Variants in GLIS3 observed in about 807,000 individuals in gnomAD.
The protein encoded by GLIS3 is GLIS family zinc finger 3.
GLIS3 carries 53 observed loss-of-function variants against 78.6 expected under a neutral mutation model. That is an observed-to-expected ratio of 0.67 (90% CI 0.54 to 0.85). The LOEUF is 0.85. Ranked by LOEUF, GLIS3 falls within the 40% of genes least tolerant of loss-of-function variation. The probability of loss-of-function intolerance (pLI) is 0.00; values close to 1 mark genes in which losing one functional copy is unlikely to be tolerated. For synonymous variants in GLIS3, 684 were observed against 509.9 expected (o/e 1.34, Z -4.60); for missense variants, 1,703 against 1,231.1 (o/e 1.38, Z -5.74).
chr9:4,450,885 C>A, the GLIS3 span, among the ~76,000 whole-genome samples: 5 of 152,204 alleles, frequency 3.3e-5, no homozygotes, highest in Non-Finnish European at 7.3e-5. Flanking sequence ...GTACCAGACA[C>A]TGCAAAAACG....
At chr9:4,286,585 T>C in intron 1 of GLIS3, 62 bp from the exon 2 acceptor site, 1 of 810,958 alleles carries the variant, frequency 1.2e-6, no homozygotes, top group South Asian at 1.5e-5. Flanking sequence ...ATACAGTGAG[T>C]TTTTCAACCT....
chr9:4,098,525 A>C (rs1002902654), intron 4 of GLIS3, among the ~76,000 whole-genome samples: 1 of 152,174 alleles, frequency 6.6e-6, no homozygotes, highest in African/African-American at 2.4e-5. Context: ...CCAGTAAACA[A>C]ATTACCCTGA....
intron 4 of GLIS3, among the ~76,000 whole-genome samples, chr9:4,015,153 T>C (rs1451556574): frequency 6.6e-6 from 1 of 152,190 alleles, no homozygotes; most frequent in Non-Finnish European, 1.5e-5. Flanking sequence ...GAAAGTGACA[T>C]TTGAAAGGAA....
At chr9:4,001,785 C>A (rs957838479) in intron 4 of GLIS3, among the ~76,000 whole-genome samples, 1 of 152,160 alleles carries the variant, frequency 6.6e-6, no homozygotes, top group Non-Finnish European at 1.5e-5. Context: ...AAATACAGGA[C>A]AGCAAGTAAT....
At chr9:4,241,215 C>T (rs1159375257) in intron 2 of GLIS3, among the ~76,000 whole-genome samples, 1 of 152,120 alleles carries the variant, frequency 6.6e-6, no homozygotes, top group Non-Finnish European at 1.5e-5. Flanking sequence ...GAAAGGAAAG[C>T]AAAGGAAAAT....
chr9:4,345,291 A>T (rs1401134837), intron 2 of GLIS3, among the ~76,000 whole-genome samples: 1 of 152,188 alleles, frequency 6.6e-6, no homozygotes, highest in African/African-American at 2.4e-5. Context: ...TTTTTGCTCA[A>T]ATGCCACCTT....
chr9:4,241,961 G>T (rs974409148), intron 2 of GLIS3, among the ~76,000 whole-genome samples: 1 of 152,170 alleles, frequency 6.6e-6, no homozygotes, highest in African/African-American at 2.4e-5. Context: ...TGAGATTACA[G>T]GCATCGGCCA....
chr9:4,248,647 T>C (rs1226095285), intron 2 of GLIS3, among the ~76,000 whole-genome samples: 1 of 152,216 alleles, frequency 6.6e-6, no homozygotes, highest in Non-Finnish European at 1.5e-5. Context: ...TGGTTCTAGA[T>C]CCTTGAGGAA....
rs113297591 is a variant in GLIS3 at position 4,184,594 on chromosome 9, A to G, written c.389-58653T>C. Among the ~76,000 whole-genome samples the G allele has an allele frequency of 7.0e-4, 106 of 152,310 alleles. 1 individual carries two copies. Among genetic ancestry groups the G allele is most frequent in the Non-Finnish European group, 1.3e-3 (87 of 68,016 alleles). On this transcript the variant is annotated intron_variant, in intron 2 of 10. Transcript: ENST00000381971. The stretch of plus-strand genomic sequence containing the variant: ...AAGCATGATCAATGTGTTTGCTTAA[A>G]AGAGAGAGAGGAGAAAAGAGCACCC...
the GLIS3 span, among the ~76,000 whole-genome samples, chr9:4,413,281 T>C: frequency 2.0e-5 from 3 of 152,212 alleles, no homozygotes; most frequent in African/African-American, 7.2e-5. Context: ...GGCCATACCC[T>C]TGCATAGTGC....
At position 4,196,671 on chromosome 9, in the gene GLIS3, C is replaced by T. The variant is rs1818882258; in HGVS notation, c.389-70730G>A. 3.3e-5 allele frequency among the ~76,000 whole-genome samples: 5 copies of T among 152,244 alleles called. No homozygotes were observed. In the South Asian group the frequency reaches 6.2e-4, roughly 19 times the overall value. ...CAAACCAACCAAAAGGAAGAAACTC[C>T]GAACATGTCTGAACATCAGAAGGAG... is the stretch of plus-strand genomic sequence containing the variant. On this transcript the variant is annotated intron_variant, in intron 2 of 10. Transcript: ENST00000381971.
intron 6 of GLIS3, among the ~76,000 whole-genome samples, chr9:3,926,305 A>G (rs1207338459): frequency 1.4e-5 from 2 of 142,674 alleles, no homozygotes; most frequent in African/African-American, 5.3e-5. Context: ...ATCTCTGCTC[A>G]CTGCAAGCTC....
chr9:4,055,700 A>G (rs1003775657), intron 4 of GLIS3, among the ~76,000 whole-genome samples: 1 of 152,180 alleles, frequency 6.6e-6, no homozygotes, highest in African/African-American at 2.4e-5. Context: ...TTCTGTGATC[A>G]GGTCCAAAAT....
chr9:4,363,891 T>C, the GLIS3 span, among the ~76,000 whole-genome samples: 11 of 152,252 alleles, frequency 7.2e-5, no homozygotes, highest in African/African-American at 2.7e-4. Context: ...GAACAATTCA[T>C]GCTAGGCTCC....
intron 2 of GLIS3, among the ~76,000 whole-genome samples, chr9:4,322,580 C>G (rs912270338): frequency 2.6e-5 from 4 of 152,086 alleles, no homozygotes; most frequent in Non-Finnish European, 2.9e-5. Flanking sequence ...CTGTTGTTGC[C>G]TGACTTTTTA....
chr9:4,389,473 G>C, the GLIS3 span, among the ~76,000 whole-genome samples: 1 of 152,172 alleles, frequency 6.6e-6, no homozygotes, highest in Non-Finnish European at 1.5e-5. Context: ...ACTTCCAAAG[G>C]CTGCTGGAAC....
At chr9:4,153,079 G>A (rs1045710054) in intron 2 of GLIS3, among the ~76,000 whole-genome samples, 1 of 152,132 alleles carries the variant, frequency 6.6e-6, no homozygotes, top group African/African-American at 2.4e-5. Context: ...GATGCCAGTA[G>A]CACCCCTCGT....
chr9:3,846,225 C>G (rs1195598737), intron 9 of GLIS3, among the ~76,000 whole-genome samples: 4 of 152,166 alleles, frequency 2.6e-5, no homozygotes, highest in South Asian at 2.1e-4. Flanking sequence ...CAAGCAAAAG[C>G]AATTCCCAAG....
chr9:4,105,109 T>A (rs959153), intron 4 of GLIS3, among the ~76,000 whole-genome samples: 118,685 of 152,150 alleles, frequency 0.78, 48,541 homozygotes, highest in East Asian at 1. Flanking sequence ...GAATTTTTCC[T>A]TATGAAGACA....
Sources: gnomAD v4.1 joint callset for allele counts (sites outside exome capture counted in the v4.1 genomes callset) on GRCh38, gnomAD v4.1.1 for gene constraint, MANE v1.5 for transcripts, NCBI Gene and HGNC (gene_info 2026-07-23, HGNC 2026-07-21) for gene names.